SEMA3F: variants seen among roughly 807,000 people sequenced by gnomAD.
The protein encoded by SEMA3F is semaphorin-3F.
In SEMA3F, 30 loss-of-function variants were observed where a neutral mutation model predicts 98.5. That is an observed-to-expected ratio of 0.30 (90% CI 0.23 to 0.41). The LOEUF is 0.41. Among genes scored for constraint, SEMA3F ranks in the 10% least tolerant of loss-of-function variants. The probability of loss-of-function intolerance (pLI) is 1.00; values close to 1 mark genes in which losing one functional copy is unlikely to be tolerated. For missense variants in SEMA3F, 866 were observed against 1,119.3 expected (o/e 0.77, Z 3.23); for synonymous variants, 380 against 444.8 (o/e 0.85, Z 1.83).
intron 7 of SEMA3F, 133 bp downstream of exon 7, chr3:50,176,994 C>T (rs1260290224): frequency 2.7e-6 from 2 of 730,080 alleles, no homozygotes; most frequent in African/African-American, 3.5e-5. Flanking sequence ...AAAGGCCCCA[C>T]CTGGCAAGGG....
chr3:50,184,321 A>C, intron 12 of SEMA3F: 1 of 511,196 alleles, frequency 2.0e-6, no homozygotes, highest in Non-Finnish European at 3.5e-6. Context: ...GGAGGGGGAC[A>C]TGGAAGGGAG....
Position 50,185,457 on chromosome 3 carries a change from C to T in SEMA3F, c.1471C>T (p.Gln491Ter). 6.2e-7 allele frequency: 1 copy of T among 1,613,730 alleles called. No individual in the cohort carries two copies. The highest frequency in any genetic ancestry group is 8.5e-7 in the Non-Finnish European group (1 of 1,179,888). Reference sequence around the variant, plus strand: ...GCCCGTTCCAGACCGCGGGACAGTGCAGAAGGTCATTGTGCTGCCCAAGGA... The same window carrying T: ...GCCCGTTCCAGACCGCGGGACAGTGTAGAAGGTCATTGTGCTGCCCAAGGA... ...LFLGTDRGTV[Q>*]KVIVLPKDDQ... Residue 491 changes from glutamine to a stop codon, truncating the protein, a stop_gained, in exon 14 of 19, where the codon CAG (glutamine) becomes TAG (stop). Coordinates refer to ENST00000002829, the MANE Select transcript of SEMA3F (RefSeq NM_004186.5). LOFTEE classifies it high-confidence loss of function.
chr3:50,183,365 G>A, intron 11 of SEMA3F, 55 bp from the exon 12 acceptor site: 1 of 1,607,532 alleles, frequency 6.2e-7, no homozygotes, highest in Non-Finnish European at 8.5e-7. Context: ...GCAGTTTGGG[G>A]AGGGGCCCTA....
intron 2 of SEMA3F, among the ~76,000 whole-genome samples, chr3:50,161,230 A>G (rs1042436785): frequency 6.6e-6 from 1 of 152,102 alleles, no homozygotes; most frequent in Non-Finnish European, 1.5e-5. Flanking sequence ...TCATGCATGC[A>G]AGTAAGCAGG....
intron 13 of SEMA3F, 61 bp downstream of exon 13, chr3:50,184,875 C>T (rs1396951987): frequency 1.5e-6 from 2 of 1,329,264 alleles, no homozygotes; most frequent in African/African-American, 2.9e-5. Context: ...GGTGCAGATC[C>T]TTGGGGCTGG....
In SEMA3F at chr3:50,156,450, A is replaced by G. The variant is rs1430768089; in HGVS notation, c.-49+886A>G. 1.3e-5 allele frequency among the ~76,000 whole-genome samples: 2 copies of G among 152,212 alleles called. No individual in the cohort carries two copies. Among genetic ancestry groups the G allele is most frequent in the African/African-American group, 2.4e-5 (1 of 41,450 alleles). ...CATTACTGCTTGGGAGAGGTAAGGG[A>G]GACGCCAACCAAAGACACCAGTATG... On this transcript the variant is annotated intron_variant, in intron 1 of 18. Transcript: ENST00000002829. This position sits in a 1 kb window ranked among gnomAD's most constrained non-coding sequence, Gnocchi z 4.5.
chr3:50,171,066 C>T (rs1304400286), intron 2 of SEMA3F, among the ~76,000 whole-genome samples: 1 of 152,192 alleles, frequency 6.6e-6, no homozygotes, highest in Non-Finnish European at 1.5e-5. Flanking sequence ...CATCCCTTCC[C>T]TGTGCCCTGT....
In SEMA3F at chr3:50,176,772, A is replaced by G; in HGVS notation, c.554A>G (p.Tyr185Cys). The change falls in exon 7 of 19, where the codon TAC (tyrosine) becomes TGC (cysteine). Residue 185 changes from tyrosine (Y) to cysteine (C), a missense_variant. Around this residue, in one of 3 missense-constraint regions of SEMA3F, gnomAD observed 247 missense variants for 276.0 expected, o/e 0.89. Transcript: ENST00000002829. ...RPMPTAPRQD[Y>C]IFYLEPERLE... The stretch of plus-strand genomic sequence containing the variant: ...GAGCCCCGCTCTGCCTTACAGGATT[A>G]CATCTTCTACCTGGAGCCTGAGCGA... The G allele has an allele frequency of 6.2e-7, 1 of 1,611,576 alleles. No individual in the cohort carries two copies. Among genetic ancestry groups the G allele is most frequent in the South Asian group, 1.1e-5 (1 of 91,068 alleles).
Position 50,166,007 on chromosome 3 carries a change from C to T in SEMA3F, c.112+6273C>T, listed in dbSNP as rs1300509561. Among the ~76,000 whole-genome samples the T allele has an allele frequency of 2.0e-5, 3 of 152,188 alleles. No individual in the cohort carries two copies. The highest frequency in any genetic ancestry group is 6.5e-5 in the Admixed American group (1 of 15,294). ...CGAGGGGAGCACTGGCTATCTGGTG[C>T]ATCTCTGCAGGGCAAAGACAGACCC... On this transcript the variant is annotated intron_variant, in intron 2 of 18. Transcript: ENST00000002829. This position sits in a 1 kb window ranked among gnomAD's most constrained non-coding sequence, Gnocchi z 4.7.
chr3:50,185,805 CAG>C (rs1699190898), intron 15 of SEMA3F, 82 bp from the exon 16 acceptor site: 5 of 1,607,560 alleles, frequency 3.1e-6, no homozygotes, highest in Non-Finnish European at 4.3e-6. Context: ...AGGCATGGAA[CAG>C]GGGAGAGGAG....
Position 50,181,236 on chromosome 3 carries a change from G to A in SEMA3F, c.644-1048G>A, listed in dbSNP as rs954354436. Among the ~76,000 whole-genome samples the A allele has an allele frequency of 2.6e-5, 4 of 152,124 alleles. No homozygotes were observed. The East Asian group carries it at 7.7e-4, about 29-fold the overall frequency. On this transcript the variant is annotated intron_variant, in intron 7 of 18. Coordinates refer to ENST00000002829, the MANE Select transcript of SEMA3F (RefSeq NM_004186.5). ...TGCAGTGCACAAAGCCCAGTAAACT[G>A]AGGTGTGCATATGCTTCCTAATTCT...
At chr3:50,160,471 C>T (rs1348303103) in intron 2 of SEMA3F, among the ~76,000 whole-genome samples, 11 of 152,218 alleles carry the variant, frequency 7.2e-5, no homozygotes, top group Admixed American at 7.2e-4. Flanking sequence ...GGTGCACGCA[C>T]ACGGTACACA....
chr3:50,174,608 G>C (rs1698739475), intron 5 of SEMA3F, among the ~76,000 whole-genome samples: 1 of 152,276 alleles, frequency 6.6e-6, no homozygotes, highest in African/African-American at 2.4e-5. Flanking sequence ...CTGGCACATA[G>C]TAAGCACTTG....
intron 1 of SEMA3F, among the ~76,000 whole-genome samples, chr3:50,157,862 A>G (rs1698051844): frequency 6.6e-6 from 1 of 152,028 alleles, no homozygotes; most frequent in Non-Finnish European, 1.5e-5. Flanking sequence ...GGTCATGGGG[A>G]GGGGGGAGGC....
At position 50,184,615 on chromosome 3, in the gene SEMA3F, A is replaced by G; in HGVS notation, c.1257A>G (p.Pro419=). The part of the protein sequence containing the change: ...PGTCPGGTFT[P]SMKSTKDYPD... ...AGTGCCCTGGTGGAACCTTCACGCC[A>G]TCTATGAAGTCCACCAAGGATTATC... The change falls in exon 13 of 19, where the codon CCA becomes CCG. Residue 419 remains proline (P), a synonymous_variant. Coordinates refer to ENST00000002829, the MANE Select transcript of SEMA3F (RefSeq NM_004186.5). 2 of 1,613,882 alleles carry G rather than the reference A, an allele frequency of 1.2e-6. No individual in the cohort carries two copies. The highest frequency in any genetic ancestry group is 1.7e-6 in the Non-Finnish European group (2 of 1,179,906).
At chr3:50,175,288 C>T (rs946812368) in intron 6 of SEMA3F, 100 bp downstream of exon 6, 1 of 813,462 alleles carries the variant, frequency 1.2e-6, no homozygotes, top group South Asian at 1.5e-5. Context: ...GGCCTCCCCT[C>T]TACCTCTGTG....
At chr3:50,176,324 C>T (rs1698806641) in intron 6 of SEMA3F, among the ~76,000 whole-genome samples, 1 of 152,202 alleles carries the variant, frequency 6.6e-6, no homozygotes, top group South Asian at 2.1e-4. Context: ...GGACCCCAGG[C>T]CCTTAACCAG....
intron 18 of SEMA3F, 129 bp downstream of exon 18, chr3:50,186,875 A>C: frequency 2.0e-6 from 2 of 1,014,436 alleles, no homozygotes; most frequent in South Asian, 2.1e-5. Context: ...CCTACATGCA[A>C]ATCCTTTGAG....
In SEMA3F at chr3:50,155,362, C is replaced by A. The variant is rs1436299656; in HGVS notation, c.-251C>A. The A allele has an allele frequency of 1.0e-5, 3 of 291,998 alleles. No homozygotes were observed. The East Asian group carries it at 1.9e-4, about 18-fold the overall frequency. 18.1% of individuals were successfully genotyped at this position (291,998 alleles called of 1,614,324 possible). A position where few individuals can be genotyped will look rare whatever the true frequency, so the allele number is the denominator to read the frequency against. On this transcript the variant is annotated 5_prime_UTR_variant, in exon 1 of 19. Transcript: ENST00000002829. The surrounding 1 kb of genome is among the most constrained non-coding windows in gnomAD (Gnocchi z 4.9). ...CCTTCCCATGGCCCGGGCTGGGGCCCGGGCCCTCGGCTGCTGACGCGCCCG... is the reference window on the plus strand; with the variant it reads ...CCTTCCCATGGCCCGGGCTGGGGCCAGGGCCCTCGGCTGCTGACGCGCCCG...
Sources: allele counts gnomAD v4.1 joint callset (sites outside exome capture counted in the v4.1 genomes callset), GRCh38; gene constraint gnomAD v4.1.1; regional missense constraint gnomAD v4.1.1; non-coding constraint Gnocchi (gnomAD v3.1); transcripts MANE v1.5; gene names NCBI Gene and HGNC (gene_info 2026-07-23, HGNC 2026-07-21).